Variants in NECTIN1 observed in about 807,000 individuals in gnomAD.
NECTIN1 encodes the protein nectin cell adhesion molecule 1, also known as nectin-1.
A neutral mutation model predicts 48.0 loss-of-function variants in NECTIN1; 23 were observed. The observed-to-expected ratio is 0.48, with a 90% CI of 0.34 to 0.68. The LOEUF (loss-of-function observed/expected upper bound fraction) is 0.68. Ranked by LOEUF, NECTIN1 falls within the 30% of genes least tolerant of loss-of-function variation. NECTIN1 has a pLI of 0.01. For synonymous variants in NECTIN1, 270 were observed against 288.9 expected (o/e 0.93, Z 0.66); for missense variants, 591 against 709.9 (o/e 0.83, Z 1.90).
intron 1 of NECTIN1, among the ~76,000 whole-genome samples, chr11:119,717,582 C>G (rs1373762093): frequency 6.6e-6 from 1 of 152,172 alleles, no homozygotes; most frequent in Non-Finnish European, 1.5e-5. Flanking sequence ...CTGCTCCGCT[C>G]CAGTGTTATT....
rs1865099169 is a variant in NECTIN1, at chr11:119,683,576, GTGTGT to G, written c.80-4816_80-4812del. Among the ~76,000 whole-genome samples, 1 of 54,054 alleles carries G rather than the reference GTGTGT, an allele frequency of 1.8e-5. No individual in the cohort carries two copies. The highest frequency in any genetic ancestry group is 5.8e-5 in the African/African-American group (1 of 17,152). The allele number at this position is 54,054 out of a possible 152,430, so 35.5% of individuals were successfully genotyped here. On this transcript the variant is annotated intron_variant, in intron 1 of 5. Transcript: ENST00000264025. This position sits in a 1 kb window ranked among gnomAD's most constrained non-coding sequence, Gnocchi z 4.0. ...AACAGGGGCTTTGGGGATCCCGGGT[GTGTGT>G]GTGTGTGTGTGTGTGTGTGTGTGTG...
intron 1 of NECTIN1, among the ~76,000 whole-genome samples, chr11:119,688,528 C>T (rs1865199192): frequency 6.6e-6 from 1 of 152,162 alleles, no homozygotes; most frequent in Admixed American, 6.5e-5. Context: ...GCACCCCCTC[C>T]ATTTGTGATG....
At chr11:119,649,957 C>T (rs1864464751) in intron 5 of NECTIN1, among the ~76,000 whole-genome samples, 1 of 152,112 alleles carries the variant, frequency 6.6e-6, no homozygotes, top group Admixed American at 6.5e-5. Context: ...CTTTTTATTT[C>T]ACCTGGGTGC....
intron 1 of NECTIN1, among the ~76,000 whole-genome samples, chr11:119,689,538 G>A (rs1466002041): frequency 6.6e-6 from 1 of 152,220 alleles, no homozygotes; most frequent in Non-Finnish European, 1.5e-5. Context: ...GGGACTATCG[G>A]TTCAGGCTTC....
Position 119,672,038 on chromosome 11 carries a change from C to T in NECTIN1, c.1003+3121G>A, listed in dbSNP as rs1045507557. Among the ~76,000 whole-genome samples the T allele has an allele frequency of 6.6e-6, 1 of 152,260 alleles. No individual in the cohort carries two copies. Among genetic ancestry groups the T allele is most frequent in the African/African-American group, 2.4e-5 (1 of 41,472 alleles). The stretch of plus-strand genomic sequence containing the variant: ...ACACTTGCAGGCTCACACCTGCCTC[C>T]CTTCCAGGACACTGGCCTTCAAGGC... On this transcript the variant is annotated intron_variant, in intron 5 of 5. Coordinates refer to ENST00000264025, the MANE Select transcript of NECTIN1 (RefSeq NM_002855.5). The surrounding 1 kb of genome is among the most constrained non-coding windows in gnomAD (Gnocchi z 4.3).
chr11:119,692,475 C>A (rs984688673), intron 1 of NECTIN1, among the ~76,000 whole-genome samples: 1 of 152,156 alleles, frequency 6.6e-6, no homozygotes, highest in African/African-American at 2.4e-5. Context: ...CCACCTGCCT[C>A]CTTTCGGCCA....
Position 119,662,624 on chromosome 11 carries a change from G to A in NECTIN1, c.*2123C>T. 2.0e-6 allele frequency: 2 copies of A among 985,646 alleles called. No homozygotes were observed. Among genetic ancestry groups the A allele is most frequent in the Non-Finnish European group, 2.4e-6 (2 of 829,982 alleles). The allele number at this position is 985,646 out of a possible 1,614,324, so 61.1% of individuals were successfully genotyped here. ...AATGCCTCTATCAGGCAGGCCCCTGGGATTGCCTCCTGCCTGGGGGAAAAG... is the reference window on the plus strand; with the variant it reads ...AATGCCTCTATCAGGCAGGCCCCTGAGATTGCCTCCTGCCTGGGGGAAAAG... On this transcript the variant is annotated 3_prime_UTR_variant, in exon 6 of 6. Coordinates refer to ENST00000264025, the MANE Select transcript of NECTIN1 (RefSeq NM_002855.5). This position sits in a 1 kb window ranked among gnomAD's most constrained non-coding sequence, Gnocchi z 5.3.
At chr11:119,725,028 AAG>A (rs1253943540) in intron 1 of NECTIN1, among the ~76,000 whole-genome samples, 1 of 152,216 alleles carries the variant, frequency 6.6e-6, no homozygotes, top group Non-Finnish European at 1.5e-5. Flanking sequence ...GTTAACCAGG[AAG>A]AGATACAATC....
In NECTIN1 at chr11:119,683,080, G is replaced by A. The variant is rs1016965264; in HGVS notation, c.80-4315C>T. On this transcript the variant is annotated intron_variant, in intron 1 of 5. Transcript: ENST00000264025. This position sits in a 1 kb window ranked among gnomAD's most constrained non-coding sequence, Gnocchi z 4.0. ...CCTTGGGTTGAGTTGACCATGTCACGCCTGCCACTGGCAGGGTCCAGGGCT... is the reference window on the plus strand; with the variant it reads ...CCTTGGGTTGAGTTGACCATGTCACACCTGCCACTGGCAGGGTCCAGGGCT... Among the ~76,000 whole-genome samples the A allele has an allele frequency of 2.0e-5, 3 of 152,314 alleles. No homozygotes were observed. Among genetic ancestry groups the A allele is most frequent in the Non-Finnish European group, 2.9e-5 (2 of 68,028 alleles).
chr11:119,652,078 T>C (rs974471164), intron 5 of NECTIN1, among the ~76,000 whole-genome samples: 23 of 152,172 alleles, frequency 1.5e-4, no homozygotes, highest in African/African-American at 5.6e-4. Context: ...CCTGACTGCC[T>C]GCCCTTCTCT....
chr11:119,660,056 G>C (rs11217378), downstream of NECTIN1, among the ~76,000 whole-genome samples: 1 of 152,210 alleles, frequency 6.6e-6, no homozygotes, highest in South Asian at 2.1e-4. Flanking sequence ...ACTTCTGCCC[G>C]TCCAGCCCCA....
In NECTIN1 at chr11:119,694,779, G is replaced by C. The variant is rs561962540; in HGVS notation, c.80-16014C>G. Among the ~76,000 whole-genome samples the C allele has an allele frequency of 5.9e-5, 9 of 152,240 alleles. No homozygotes were observed. In the East Asian group the frequency reaches 1.7e-3, roughly 29 times the overall value. On this transcript the variant is annotated intron_variant, in intron 1 of 5. Coordinates refer to ENST00000264025, the MANE Select transcript of NECTIN1 (RefSeq NM_002855.5). ...GTCCACTCCAGGGCAGGCCCTCAAT[G>C]ATACCCCTGTGCTGAGGGCCTGAAC...
At chr11:119,639,638 C>A in intron 6 of NECTIN1, 3 of 597,582 alleles carry the variant, frequency 5.0e-6, no homozygotes, top group Middle Eastern at 4.5e-4. Flanking sequence ...GGATAAAATG[C>A]ATCTTTATGA....
At position 119,665,317 on chromosome 11, in the gene NECTIN1, G is replaced by A. The variant is rs1864747470; in HGVS notation, c.1004-20C>T. 1 of 1,570,594 alleles carries A rather than the reference G, an allele frequency of 6.4e-7. No individual in the cohort carries two copies. Among genetic ancestry groups the A allele is most frequent in the African/African-American group, 1.3e-5 (1 of 74,462 alleles). On this transcript the variant is annotated intron_variant, in intron 5 of 5. Coordinates refer to ENST00000264025, the MANE Select transcript of NECTIN1 (RefSeq NM_002855.5). The surrounding 1 kb of genome is among the most constrained non-coding windows in gnomAD (Gnocchi z 5.1). ...GGAATTCTGGGTGAGGAAAAGAGAT[G>A]GAGGGGACAGCATCAGCGTGTGCTC...
At position 119,664,954 on chromosome 11, in the gene NECTIN1, G is replaced by A. The variant is rs116441631; in HGVS notation, c.1347C>T (p.Gly449=). ...EEEEEEGGGG[G]ERKVGGPHPK... ...GGTGGGGGCCGCCCACCTTGCGCTC[G>A]CCCCCTCCACCGCCCTCCTCCTCCT... Residue 449 remains glycine (G), a synonymous_variant, in exon 6 of 6, where the codon GGC becomes GGT. Transcript: ENST00000264025. 1.1e-3 allele frequency: 1,804 copies of A among 1,613,242 alleles called. 16 individuals carry two copies. In the African/African-American group the frequency reaches 0.018, roughly 16 times the overall value.
intron 1 of NECTIN1, among the ~76,000 whole-genome samples, chr11:119,692,357 T>C (rs575225587): frequency 6.6e-6 from 1 of 152,180 alleles, no homozygotes; most frequent in South Asian, 2.1e-4. Context: ...TCCCATGCTC[T>C]CTTGGCTCTG....
At chr11:119,674,053 T>A (rs1011090497) in intron 5 of NECTIN1, among the ~76,000 whole-genome samples, 12 of 152,210 alleles carry the variant, frequency 7.9e-5, no homozygotes, top group Admixed American at 2.6e-4. Context: ...TCTGCAGCTG[T>A]GTCCTAAATA....
At chr11:119,694,964 G>T (rs1424279490) in intron 1 of NECTIN1, among the ~76,000 whole-genome samples, 2 of 151,952 alleles carry the variant, frequency 1.3e-5, no homozygotes, top group East Asian at 3.9e-4. Flanking sequence ...CAGCCATTCA[G>T]CTCCCTCGGC....
intron 5 of NECTIN1, among the ~76,000 whole-genome samples, chr11:119,648,924 G>A (rs1312615610): frequency 6.6e-6 from 1 of 152,202 alleles, no homozygotes; most frequent in Non-Finnish European, 1.5e-5. Context: ...TGGGGCTTGG[G>A]TCTGAGGCTG....
Sources: gnomAD v4.1 joint callset for allele counts (sites outside exome capture counted in the v4.1 genomes callset) on GRCh38, gnomAD v4.1.1 for gene constraint, Gnocchi (gnomAD v3.1) non-coding constraint, MANE v1.5 for transcripts, NCBI Gene and HGNC (gene_info 2026-07-23, HGNC 2026-07-21) for gene names.